Variants in KPNB1 observed in about 807,000 individuals in gnomAD.
KPNB1 encodes importin subunit beta-1.
KPNB1 carries 7 observed loss-of-function variants against 113.0 expected under a neutral mutation model. The ratio of observed to expected loss-of-function variants is 0.06; its 90% CI spans 0.04 to 0.12. KPNB1 has a LOEUF of 0.12. KPNB1 is among the 10% of genes least tolerant of loss of function. The pLI, the probability that KPNB1 is intolerant of heterozygous loss-of-function variation, is 1.00. For missense variants in KPNB1, 400 were observed against 1,054.8 expected (o/e 0.38, Z 8.60); for synonymous variants, 363 against 378.6 (o/e 0.96, Z 0.48).
Position 47,676,425 on chromosome 17 carries a change from C to T in KPNB1, c.1929C>T (p.Phe643=). 6.2e-7 allele frequency: 1 copy of T among 1,612,954 alleles called. No homozygotes were observed. Among genetic ancestry groups the T allele is most frequent in the Non-Finnish European group, 8.5e-7 (1 of 1,179,006 alleles). The change falls in exon 16 of 22, where the codon TTC becomes TTT. Residue 643 remains phenylalanine (F), a synonymous_variant. Coordinates refer to ENST00000290158, the MANE Select transcript of KPNB1 (RefSeq NM_002265.6). ...TCATTACAGTGTTGGGTGGTGAATT[C>T]CTCAAGTACATGGAGGCCTTTAAAC... The part of the protein sequence containing the change: ...STLVEVLGGE[F]LKYMEAFKPF...
At chr17:47,665,213 A>G (rs2030231869) in intron 9 of KPNB1, 55 bp downstream of exon 9, 3 of 1,371,958 alleles carry the variant, frequency 2.2e-6, no homozygotes, top group African/African-American at 2.9e-5. Flanking sequence ...CTAAGAGTAA[A>G]CTGTGGAAAC....
chr17:47,650,214 A>T lies in KPNB1; in HGVS notation c.-31A>T. 1 of 1,364,970 alleles carries T rather than the reference A, an allele frequency of 7.3e-7. No individual in the cohort carries two copies. The highest frequency in any genetic ancestry group is 1.2e-5 in the South Asian group (1 of 84,800). 84.6% of individuals were successfully genotyped at this position (1,364,970 alleles called of 1,614,324 possible). A position where few individuals can be genotyped will look rare whatever the true frequency, so the allele number is the denominator to read the frequency against. On this transcript the variant is annotated 5_prime_UTR_variant, in exon 1 of 22. Coordinates refer to ENST00000290158, the MANE Select transcript of KPNB1 (RefSeq NM_002265.6). Reference sequence around the variant, plus strand: ...GCCCGAAAGGCCGGGCCGTCGTCTTAGGAGGAGTCGCCGCCGCCGCCACCT... The same window carrying T: ...GCCCGAAAGGCCGGGCCGTCGTCTTTGGAGGAGTCGCCGCCGCCGCCACCT...
rs2030853750 is a variant in KPNB1 at position 47,683,392 on chromosome 17, T to C, written c.*988T>C. On this transcript the variant is annotated 3_prime_UTR_variant, in exon 22 of 22. Transcript: ENST00000290158. Reference sequence around the variant, plus strand: ...AACGCAGACTTCAAAAACAAAAAAATCACAACCCAAACAAACCAAAATTTA... The same window carrying C: ...AACGCAGACTTCAAAAACAAAAAAACCACAACCCAAACAAACCAAAATTTA... 3 of 151,918 alleles carry C rather than the reference T, an allele frequency of 2.0e-5. No homozygotes were observed. The Admixed American group carries it at 2.0e-4, about 10-fold the overall frequency. 9.4% of individuals were successfully genotyped at this position (151,918 alleles called of 1,614,324 possible).
intron 6 of KPNB1, among the ~76,000 whole-genome samples, chr17:47,661,626 A>G (rs1271136830): frequency 6.6e-6 from 1 of 152,048 alleles, no homozygotes; most frequent in Admixed American, 6.6e-5. Context: ...GAGAAGAGGG[A>G]AGAATTGTCA....
At chr17:47,670,976 C>T (rs2030426509) in intron 12 of KPNB1, 144 bp downstream of exon 12, 2 of 785,484 alleles carry the variant, frequency 2.5e-6, no homozygotes, top group South Asian at 2.3e-5. Flanking sequence ...AAGAAACCCG[C>T]TGGGCGCGGT....
intron 6 of KPNB1, chr17:47,662,113 A>G (rs2030119531): frequency 6.6e-6 from 1 of 152,202 alleles, no homozygotes; most frequent in African/African-American, 2.4e-5. Context: ...TTAATGCAAA[A>G]AAAAAGACTG....
intron 3 of KPNB1, among the ~76,000 whole-genome samples, chr17:47,656,206 C>T (rs2029898825): frequency 6.6e-6 from 1 of 151,988 alleles, no homozygotes; most frequent in African/African-American, 2.4e-5. Context: ...TTGCAGTGAG[C>T]CGAGATCGCG....
chr17:47,678,219 T>TA, intron 18 of KPNB1, 30 bp downstream of exon 18: 1 of 1,577,150 alleles, frequency 6.3e-7, no homozygotes, highest in Non-Finnish European at 8.7e-7. Flanking sequence ...GGCTGTTCTT[T>TA]AAGTCTAGCT....
rs768683824 is a variant in KPNB1, at chr17:47,661,175, G to C, written c.693G>C (p.Thr231=). The change falls in exon 6 of 22, where the codon ACG becomes ACC. Residue 231 remains threonine, a synonymous_variant. Transcript: ENST00000290158. The part of the protein sequence containing the change: ...VVCEATQCPD[T]RVRVAALQNL... ...GTGAAGCCACACAGTGTCCAGATACGAGGGTAAGTGTGAGGTTATATGAAA... is the reference window on the plus strand; with the variant it reads ...GTGAAGCCACACAGTGTCCAGATACCAGGGTAAGTGTGAGGTTATATGAAA... The C allele has an allele frequency of 3.7e-6, 6 of 1,610,520 alleles. No individual in the cohort carries two copies. In the African/African-American group the frequency reaches 5.3e-5, roughly 14 times the overall value.
At chr17:47,675,153 A>C (rs1019394670) in intron 15 of KPNB1, among the ~76,000 whole-genome samples, 1 of 151,782 alleles carries the variant, frequency 6.6e-6, no homozygotes, top group Non-Finnish European at 1.5e-5. Flanking sequence ...GGGTCTCACT[A>C]TATTGCTCAG....
chr17:47,673,752 A>G, intron 14 of KPNB1, 191 bp downstream of exon 14: 2 of 586,150 alleles, frequency 3.4e-6, no homozygotes, highest in Non-Finnish European at 3.0e-6. Context: ...CTGTCTGTCT[A>G]GAAAGATTCA....
intron 21 of KPNB1, among the ~76,000 whole-genome samples, chr17:47,681,053 T>TG (rs1555619759): frequency 9.6e-5 from 12 of 125,412 alleles, no homozygotes; most frequent in African/African-American, 3.6e-4. Flanking sequence ...TCAAATGTTT[T>TG]TTTGTGTGTG....
intron 6 of KPNB1, among the ~76,000 whole-genome samples, chr17:47,661,612 A>T (rs2030099408): frequency 6.6e-6 from 1 of 152,076 alleles, no homozygotes; most frequent in Non-Finnish European, 1.5e-5. Context: ...TAATAAAAAC[A>T]TTAGAGAAGA....
At chr17:47,677,472 CAAAAAAAA>C (rs746941632) in intron 17 of KPNB1, among the ~76,000 whole-genome samples, 5 of 53,262 alleles carry the variant, frequency 9.4e-5, no homozygotes, top group Non-Finnish European at 1.6e-4. Flanking sequence ...AACTCCGTCT[CAAAAAAAA>C]AAAAAAAAAA....
intron 11 of KPNB1, 24 bp downstream of exon 11, chr17:47,669,893 G>C: frequency 6.5e-7 from 1 of 1,535,798 alleles, no homozygotes; most frequent in Admixed American, 1.7e-5. Context: ...TTGCTGGTGA[G>C]AAAAGGAGCT....
chr17:47,668,445 A>C, intron 10 of KPNB1, 35 bp downstream of exon 10: 3 of 1,520,962 alleles, frequency 2.0e-6, no homozygotes, highest in Non-Finnish European at 2.7e-6. Flanking sequence ...AGAAAGTAGG[A>C]TATTTATTGT....
At chr17:47,674,604 A>G in intron 14 of KPNB1, 34 bp from the exon 15 acceptor site, 10 of 1,594,572 alleles carry the variant, frequency 6.3e-6, no homozygotes, top group Non-Finnish European at 8.6e-6. Flanking sequence ...GAGATTTGGA[A>G]TCAACTGATC....
intron 14 of KPNB1, 109 bp from the exon 15 acceptor site, chr17:47,674,529 C>A (rs1219225434): frequency 6.1e-6 from 7 of 1,145,964 alleles, no homozygotes; most frequent in South Asian, 3.1e-5. Context: ...TTGGCATTCC[C>A]AAAATTAAAA....
intron 9 of KPNB1, among the ~76,000 whole-genome samples, chr17:47,667,543 T>G (rs980567246): frequency 1.3e-5 from 2 of 151,914 alleles, no homozygotes; most frequent in Non-Finnish European, 2.9e-5. Context: ...ACTTTATTTA[T>G]TATTATTTTT....
Sources: gnomAD v4.1 joint callset for allele counts (sites outside exome capture counted in the v4.1 genomes callset) on GRCh38, gnomAD v4.1.1 for gene constraint, MANE v1.5 for transcripts, NCBI Gene and HGNC (gene_info 2026-07-23, HGNC 2026-07-21) for gene names.